DLC1: variants seen among roughly 807,000 people sequenced by gnomAD.
The protein encoded by DLC1 is DLC1 Rho GTPase activating protein.
A neutral mutation model predicts 140.3 loss-of-function variants in DLC1; 54 were observed. The ratio of observed to expected loss-of-function variants is 0.38; its 90% CI spans 0.31 to 0.48. The LOEUF (loss-of-function observed/expected upper bound fraction) is 0.48, where lower values mean the gene tolerates loss of function less well. DLC1 is among the 20% of genes least tolerant of loss of function. The probability of loss-of-function intolerance (pLI) is 0.96; values close to 1 mark genes in which losing one functional copy is unlikely to be tolerated. For missense variants in DLC1, 2,536 were observed against 1,907.0 expected (o/e 1.33, Z -6.14); for synonymous variants, 986 against 728.1 (o/e 1.35, Z -5.70).
At chr8:13,230,389 G>C (rs1219183143) in intron 5 of DLC1, among the ~76,000 whole-genome samples, 1 of 152,140 alleles carries the variant, frequency 6.6e-6, no homozygotes, top group Non-Finnish European at 1.5e-5. Flanking sequence ...TCAAAAGTCA[G>C]AGTATGTTTG....
chr8:13,195,156 T>G (rs757114486), intron 5 of DLC1, among the ~76,000 whole-genome samples: 5 of 152,232 alleles, frequency 3.3e-5, no homozygotes, highest in East Asian at 1.9e-4. Context: ...CTATATGATA[T>G]TCCTTCACAT....
At position 13,499,321 on chromosome 8, in the gene DLC1, T is replaced by G; in HGVS notation, c.751A>C (p.Asn251His). 6.2e-7 allele frequency: 1 copy of G among 1,614,114 alleles called. No individual in the cohort carries two copies. Among genetic ancestry groups the G allele is most frequent in the Non-Finnish European group, 8.5e-7 (1 of 1,180,018 alleles). The part of the protein sequence containing the change: ...PKDENERSTC[N>H]VVQNEFLDTP... ...TCCAAGAACTCATTTTGTACTACAT[T>G]GCAGGTGCTTCTTTCATTTTCATCT... is the stretch of plus-strand genomic sequence containing the variant. Residue 251 changes from asparagine (N) to histidine (H), a missense_variant, in exon 2 of 18, where the codon AAT (asparagine) becomes CAT (histidine). Physicochemically the swap from Asn to His is moderately conservative, Grantham distance 68. Transcript: ENST00000276297.
At chr8:13,101,795 A>G (rs931669421) in intron 8 of DLC1, among the ~76,000 whole-genome samples, 16 of 152,266 alleles carry the variant, frequency 1.1e-4, no homozygotes, top group African/African-American at 3.8e-4. Context: ...ACACTAAGGA[A>G]CGTCTTTGCT....
rs1818783686 is a variant in DLC1, at chr8:13,099,347, C to G, written c.2990G>C (p.Arg997Thr). The G allele has an allele frequency of 1.2e-6, 2 of 1,612,262 alleles. No individual in the cohort carries two copies. The highest frequency in any genetic ancestry group is 1.7e-6 in the Non-Finnish European group (2 of 1,179,346). The change falls in exon 9 of 18, where the codon AGG (arginine) becomes ACG (threonine). Residue 997 changes from arginine (R) to threonine (T), a missense_variant and splice_region_variant. Arg to Thr is a moderately conservative substitution (Grantham distance 71). Transcript: ENST00000276297. ...CCGGAGGCAGGAGAAAAGTTCTTAC[C>G]TGTTGGACCTGGTTAGGGAAGCCCC... is the stretch of plus-strand genomic sequence containing the variant. ...GVGASLTRSN[R>T]HRLRWHSFQS...
At chr8:13,412,294 A>G (rs1837815785) in intron 2 of DLC1, among the ~76,000 whole-genome samples, 1 of 152,214 alleles carries the variant, frequency 6.6e-6, no homozygotes, top group African/African-American at 2.4e-5. Context: ...CAAGTTTGAC[A>G]ATATTTTGGA....
At chr8:13,593,298 T>C (rs1293674530) in intron 1 of DLC1, among the ~76,000 whole-genome samples, 1 of 152,188 alleles carries the variant, frequency 6.6e-6, no homozygotes, top group East Asian at 1.9e-4. Flanking sequence ...GCTTCAGTTC[T>C]ACTGGGAATA....
intron 1 of DLC1, among the ~76,000 whole-genome samples, chr8:13,577,160 G>A (rs2117430858): frequency 6.6e-6 from 1 of 152,174 alleles, no homozygotes; most frequent in Middle Eastern, 3.4e-3. Flanking sequence ...GAAACAGTGG[G>A]GATAAACATC....
In DLC1 at chr8:13,531,510, T is replaced by C. The variant is rs180845584; in HGVS notation, c.-125-31314A>G. Among the ~76,000 whole-genome samples, 250 of 152,196 alleles carry C rather than the reference T, an allele frequency of 1.6e-3. 1 individual carries two copies. The highest frequency in any genetic ancestry group is 5.9e-3 in the African/African-American group (244 of 41,528). ...CTGAGGCAGGAGAATCACTTGAACC[T>C]GGGAGGTGCAGGTTGCAGTGAGCCA... On this transcript the variant is annotated intron_variant, in intron 1 of 1. Coordinates refer to the DLC1 transcript ENST00000631382.
chr8:13,273,521 C>G (rs1439238311), intron 5 of DLC1, among the ~76,000 whole-genome samples: 3 of 152,198 alleles, frequency 2.0e-5, no homozygotes, highest in Non-Finnish European at 4.4e-5. Context: ...TCCTCACAAA[C>G]TGAAGGCCTT....
intron 5 of DLC1, among the ~76,000 whole-genome samples, chr8:13,295,019 G>C (rs1325876025): frequency 6.6e-6 from 1 of 152,168 alleles, no homozygotes; most frequent in Non-Finnish European, 1.5e-5. Context: ...CGAAACATCT[G>C]TTAAGAGGCT....
chr8:13,581,547 C>G (rs550738118), intron 1 of DLC1, among the ~76,000 whole-genome samples: 1 of 152,320 alleles, frequency 6.6e-6, no homozygotes, highest in African/African-American at 2.4e-5. Flanking sequence ...CAAGATTTAT[C>G]TAATCCAATC....
intron 1 of DLC1, among the ~76,000 whole-genome samples, chr8:13,550,185 G>A (rs1387578167): frequency 2.0e-5 from 3 of 152,058 alleles, no homozygotes; most frequent in Non-Finnish European, 4.4e-5. Context: ...GATTATGGGG[G>A]GCAGTTCCCC....
At position 13,085,241 on chromosome 8, in the gene DLC1, G is replaced by C. The variant is rs1178589827; in HGVS notation, c.*570C>G. 1 of 152,656 alleles carries C rather than the reference G, an allele frequency of 6.6e-6. No individual in the cohort carries two copies. The highest frequency in any genetic ancestry group is 2.4e-5 in the African/African-American group (1 of 41,460). 9.5% of individuals were successfully genotyped at this position (152,656 alleles called of 1,614,324 possible). A position where few individuals can be genotyped will look rare whatever the true frequency, so the allele number is the denominator to read the frequency against. On this transcript the variant is annotated 3_prime_UTR_variant, in exon 18 of 18. Transcript: ENST00000276297. ...GATTCAGGGGTAGTCAGATATTCCA[G>C]GTTAAACTGAACCTGATGCATCAAT... is the stretch of plus-strand genomic sequence containing the variant.
At chr8:13,296,241 C>T (rs933514333) in intron 5 of DLC1, among the ~76,000 whole-genome samples, 1 of 152,026 alleles carries the variant, frequency 6.6e-6, no homozygotes, top group Non-Finnish European at 1.5e-5. Context: ...CAGTCGTGAG[C>T]CACCATGCCC....
At chr8:13,227,048 CG>C (rs1305945106) in intron 5 of DLC1, among the ~76,000 whole-genome samples, 4 of 152,060 alleles carry the variant, frequency 2.6e-5, no homozygotes, top group East Asian at 1.9e-4. Context: ...GTATAGGGGG[CG>C]GGGGCAGGGA....
chr8:13,501,440 C>T (rs750165547), intron 1 of DLC1, among the ~76,000 whole-genome samples: 3 of 152,164 alleles, frequency 2.0e-5, no homozygotes, highest in Non-Finnish European at 4.4e-5. Context: ...ACAGAGCAGA[C>T]ACTTTTAGTT....
At chr8:13,490,839 G>A (rs17116074) in intron 2 of DLC1, among the ~76,000 whole-genome samples, 25,267 of 151,790 alleles carry the variant, frequency 0.17, 2,524 homozygotes, top group South Asian at 0.26. Flanking sequence ...CCTGTTAACA[G>A]CTGATGTAAA....
intron 5 of DLC1, among the ~76,000 whole-genome samples, chr8:13,198,655 T>C (rs1160606577): frequency 6.6e-6 from 1 of 152,182 alleles, no homozygotes; most frequent in African/African-American, 2.4e-5. Flanking sequence ...TCATAAAGTA[T>C]GCTTTGTGTA....
chr8:13,370,201 G>A (rs1009933069), intron 4 of DLC1, among the ~76,000 whole-genome samples: 4 of 151,872 alleles, frequency 2.6e-5, no homozygotes. Context: ...CATATCATTA[G>A]TAAAGGCAAT....
Sources: allele counts gnomAD v4.1 joint callset (sites outside exome capture counted in the v4.1 genomes callset), GRCh38; gene constraint gnomAD v4.1.1; transcripts MANE v1.5; gene names NCBI Gene and HGNC (gene_info 2026-07-23, HGNC 2026-07-21).